Variants in SHANK2 observed in about 807,000 individuals in gnomAD.
SHANK2 encodes SH3 and multiple ankyrin repeat domains protein 2.
Under a neutral mutation model 133.7 loss-of-function variants are expected in SHANK2, and 43 were observed. That is an observed-to-expected ratio of 0.32 (90% CI 0.25 to 0.41). The LOEUF (loss-of-function observed/expected upper bound fraction) is 0.41, where lower values mean the gene tolerates loss of function less well. Among genes scored for constraint, SHANK2 ranks in the 10% least tolerant of loss-of-function variants. The pLI, the probability that SHANK2 is intolerant of heterozygous loss-of-function variation, is 1.00. For missense variants in SHANK2, 1,994 were observed against 2,235.8 expected, an observed-to-expected ratio of 0.89 and a Z score of 2.18; for synonymous variants, 1,017 against 952.8, an observed-to-expected ratio of 1.07 and a Z score of -1.24.
At chr11:71,151,497 C>T (rs574858025) in intron 2 of SHANK2, among the ~76,000 whole-genome samples, 80 of 152,282 alleles carry the variant, frequency 5.3e-4, no homozygotes, top group African/African-American at 1.8e-3. Flanking sequence ...CCATTTCACC[C>T]GTTTTTATTC....
intron 17 of SHANK2, among the ~76,000 whole-genome samples, chr11:70,528,158 C>T (rs1232247579): frequency 6.6e-6 from 1 of 152,252 alleles, no homozygotes; most frequent in Non-Finnish European, 1.5e-5. Context: ...GTGATGCTGC[C>T]AGCCCCAGCT....
intron 10 of SHANK2, among the ~76,000 whole-genome samples, chr11:70,910,639 C>G (rs1192274087): frequency 6.6e-6 from 1 of 152,104 alleles, no homozygotes; most frequent in Non-Finnish European, 1.5e-5. Context: ...AAAATCCTAT[C>G]TCTACTAAAA....
chr11:71,227,999 G>A (rs1048319006), intron 1 of SHANK2, among the ~76,000 whole-genome samples: 3 of 151,616 alleles, frequency 2.0e-5, no homozygotes, highest in African/African-American at 4.8e-5. Flanking sequence ...CAATGCAATT[G>A]ACAAAACTCT....
chr11:71,166,926 G>A (rs1224375595), intron 2 of SHANK2, among the ~76,000 whole-genome samples: 1 of 137,608 alleles, frequency 7.3e-6, no homozygotes, highest in Admixed American at 7.2e-5. Context: ...CTAGGCAGAG[G>A]ACCCTGCGGC....
chr11:71,169,029 A>G (rs535088491), intron 2 of SHANK2, among the ~76,000 whole-genome samples: 2 of 152,248 alleles, frequency 1.3e-5, no homozygotes, highest in East Asian at 1.9e-4. Flanking sequence ...GGGTTTTGCC[A>G]TTTCTTTAAA....
intron 17 of SHANK2, among the ~76,000 whole-genome samples, chr11:70,542,233 A>G (rs2059631581): frequency 6.6e-6 from 1 of 152,226 alleles, no homozygotes; most frequent in Non-Finnish European, 1.5e-5. Context: ...AATTAAGTTA[A>G]GGATTTCGAG....
intron 15 of SHANK2, among the ~76,000 whole-genome samples, chr11:70,690,759 C>T (rs1423586796): frequency 2.0e-5 from 3 of 150,144 alleles, no homozygotes; most frequent in Non-Finnish European, 3.0e-5. Context: ...ATGTATTAAA[C>T]AAGAGAGAGA....
chr11:70,500,519 CACAGGGGGGTGATGG>C lies in SHANK2; in HGVS notation c.2308+36_2308+50del, dbSNP rs1555158147. 1.3e-6 allele frequency: 2 copies of C among 1,584,348 alleles called. No individual in the cohort carries two copies. The highest frequency in any genetic ancestry group is 1.7e-6 in the Non-Finnish European group (2 of 1,165,224). ...GGCATCACAAAGGATGTTTCTGTTC[CACAGGGGGGTGATGG>C]GCAGGGGGCTGAGACAGACACTGGG... On this transcript the variant is annotated intron_variant, in intron 21 of 25. Coordinates refer to ENST00000601538, the MANE Select transcript of SHANK2 (RefSeq NM_012309.5). This position sits in a 1 kb window ranked among gnomAD's most constrained non-coding sequence, Gnocchi z 4.5.
intron 1 of SHANK2, among the ~76,000 whole-genome samples, chr11:71,229,752 CCA>C: frequency 7.3e-6 from 1 of 136,118 alleles, no homozygotes; most frequent in Admixed American, 7.5e-5. Flanking sequence ...GAGTGAGACT[CCA>C]TCTCAAAAAA....
intron 8 of SHANK2, among the ~76,000 whole-genome samples, chr11:71,081,936 C>T (rs1951306284): frequency 6.6e-6 from 1 of 152,234 alleles, no homozygotes; most frequent in Non-Finnish European, 1.5e-5. Context: ...GGACCCCACA[C>T]TCTCACACCC....
intron 17 of SHANK2, among the ~76,000 whole-genome samples, chr11:70,517,901 G>A (rs2059284899): frequency 6.6e-6 from 1 of 152,138 alleles, no homozygotes; most frequent in African/African-American, 2.4e-5. Context: ...TCAACTGTGT[G>A]GGACATTTGC....
chr11:70,938,698 G>C (rs1950603748), intron 10 of SHANK2, among the ~76,000 whole-genome samples: 1 of 152,176 alleles, frequency 6.6e-6, no homozygotes, highest in Non-Finnish European at 1.5e-5. Flanking sequence ...CAAGGACAGG[G>C]AGAGGGAAGC....
At chr11:70,703,346 G>A (rs1352952257) in intron 14 of SHANK2, among the ~76,000 whole-genome samples, 2 of 152,214 alleles carry the variant, frequency 1.3e-5, no homozygotes, top group East Asian at 3.9e-4. Flanking sequence ...CTCCTGGGAG[G>A]TGGCATCTCA....
At chr11:70,528,933 C>G (rs1230700830) in intron 17 of SHANK2, among the ~76,000 whole-genome samples, 4 of 152,132 alleles carry the variant, frequency 2.6e-5, no homozygotes, top group African/African-American at 4.8e-5. Flanking sequence ...CCTGGGGAGG[C>G]CCCCGTGACG....
Position 70,471,276 on chromosome 11 carries a change from A to C in SHANK2, c.*1593T>G, listed in dbSNP as rs1209671. The C allele has an allele frequency of 3.4e-4, 135 of 398,928 alleles. No individual in the cohort carries two copies. The highest frequency in any genetic ancestry group is 1.4e-3 in the South Asian group (11 of 7,846). The allele number at this position is 398,928 out of a possible 1,614,324, so 24.7% of individuals were successfully genotyped here. A position where few individuals can be genotyped will look rare whatever the true frequency, so the allele number is the denominator to read the frequency against. On this transcript the variant is annotated 3_prime_UTR_variant, in exon 26 of 26. Transcript: ENST00000601538. This position sits in a 1 kb window ranked among gnomAD's most constrained non-coding sequence, Gnocchi z 4.1. ...TCAAGAAAAAAAGGAAAAAAAAAAA[A>C]CAAAACCATGTTTTATAATTAGAGA...
intron 17 of SHANK2, among the ~76,000 whole-genome samples, chr11:70,513,053 C>A (rs561999625): frequency 6.6e-6 from 1 of 152,304 alleles, no homozygotes; most frequent in Non-Finnish European, 1.5e-5. Context: ...CAAATAAATT[C>A]TCTGAAGGTT....
chr11:70,522,949 C>T (rs1554971346), intron 17 of SHANK2, among the ~76,000 whole-genome samples: 1 of 152,238 alleles, frequency 6.6e-6, no homozygotes, highest in East Asian at 1.9e-4. Context: ...TTCACTGAGG[C>T]CTCCCTCCAG....
chr11:70,501,947 A>G lies in SHANK2; in HGVS notation c.2279-16T>C, dbSNP rs782697790. ...CCTTTATCCACTAGTGAGAGGCCCA[A>G]AAATTCAAAACAAAACAATGTTAGA... On this transcript the variant is annotated splice_polypyrimidine_tract_variant and intron_variant, in intron 19 of 25. Coordinates refer to ENST00000601538, the MANE Select transcript of SHANK2 (RefSeq NM_012309.5). 3 of 1,556,884 alleles carry G rather than the reference A, an allele frequency of 1.9e-6. No homozygotes were observed. Among genetic ancestry groups the G allele is most frequent in the Admixed American group, 1.9e-5 (1 of 51,860 alleles).
chr11:71,186,890 A>G (rs544079328), intron 2 of SHANK2, among the ~76,000 whole-genome samples: 1 of 152,342 alleles, frequency 6.6e-6, no homozygotes, highest in Admixed American at 6.5e-5. Flanking sequence ...ACCATCCAGA[A>G]GTGTCACAGA....
Sources: allele counts gnomAD v4.1 joint callset (sites outside exome capture counted in the v4.1 genomes callset), GRCh38; gene constraint gnomAD v4.1.1; non-coding constraint Gnocchi (gnomAD v3.1); transcripts MANE v1.5; gene names NCBI Gene and HGNC (gene_info 2026-07-23, HGNC 2026-07-21).